The following ASIC2 variants were observed in gnomAD, a reference collection of about 807,000 sequenced individuals.
The protein encoded by ASIC2 is acid sensing ion channel subunit 2, also known as acid-sensing ion channel 2.
In ASIC2, 25 loss-of-function variants were observed where a neutral mutation model predicts 57.3. The observed-to-expected ratio is 0.44, with a 90% CI of 0.32 to 0.61. The LOEUF is 0.61. Ranked by LOEUF, ASIC2 falls within the 20% of genes least tolerant of loss-of-function variation. The probability of loss-of-function intolerance (pLI) is 0.06; values close to 1 mark genes in which losing one functional copy is unlikely to be tolerated. For synonymous variants in ASIC2, 319 were observed against 307.5 expected (o/e 1.04, Z -0.39); for missense variants, 641 against 738.1 (o/e 0.87, Z 1.52).
At chr17:33,883,118 T>C (rs1347186513) in intron 1 of ASIC2, among the ~76,000 whole-genome samples, 1 of 152,100 alleles carries the variant, frequency 6.6e-6, no homozygotes, top group Non-Finnish European at 1.5e-5. Flanking sequence ...AGGGGAGGGA[T>C]AGCATTAGGA....
At chr17:33,787,405 C>G (rs1911638359) in intron 1 of ASIC2, among the ~76,000 whole-genome samples, 1 of 152,146 alleles carries the variant, frequency 6.6e-6, no homozygotes, top group African/African-American at 2.4e-5. Context: ...ATCTAGTGTT[C>G]CCTTCAGAGC....
At chr17:33,536,027 T>TG (rs1342096987) in intron 1 of ASIC2, among the ~76,000 whole-genome samples, 1 of 152,216 alleles carries the variant, frequency 6.6e-6, no homozygotes. Flanking sequence ...CACCACAAAG[T>TG]GGCCTCGGGA....
intron 1 of ASIC2, among the ~76,000 whole-genome samples, chr17:33,852,096 C>T (rs1216702158): frequency 1.3e-5 from 2 of 152,230 alleles, no homozygotes; most frequent in Non-Finnish European, 2.9e-5. Flanking sequence ...GCATGTCAGA[C>T]AGAGAAGATG....
chr17:33,260,280 TC>T (rs1909230503), intron 1 of ASIC2, among the ~76,000 whole-genome samples: 1 of 152,068 alleles, frequency 6.6e-6, no homozygotes, highest in African/African-American at 2.4e-5. Context: ...TGGCTTTGTC[TC>T]CAAATGCTCT....
chr17:33,445,486 A>G (rs1019378765), intron 1 of ASIC2, among the ~76,000 whole-genome samples: 12 of 152,162 alleles, frequency 7.9e-5, no homozygotes, highest in African/African-American at 2.6e-4. Flanking sequence ...TGGGAACAAG[A>G]CTGATCTGCT....
intron 3 of ASIC2, among the ~76,000 whole-genome samples, chr17:33,072,501 T>C (rs1438416384): frequency 6.6e-6 from 1 of 152,190 alleles, no homozygotes; most frequent in Admixed American, 6.5e-5. Flanking sequence ...AGTAGACTTG[T>C]ATCAGGTGGC....
chr17:33,807,802 A>T (rs1054362464), intron 1 of ASIC2, among the ~76,000 whole-genome samples: 3 of 152,234 alleles, frequency 2.0e-5, no homozygotes, highest in Non-Finnish European at 2.9e-5. Context: ...TATGATGTGG[A>T]GCATATTTTT....
intron 1 of ASIC2, among the ~76,000 whole-genome samples, chr17:34,090,141 A>G (rs1910272167): frequency 6.6e-6 from 1 of 152,138 alleles, no homozygotes; most frequent in Non-Finnish European, 1.5e-5. Flanking sequence ...CTCTACTGAC[A>G]TTTTAGGTGG....
intron 1 of ASIC2, among the ~76,000 whole-genome samples, chr17:33,115,708 T>C (rs568562273): frequency 9.2e-5 from 14 of 152,336 alleles, no homozygotes; most frequent in African/African-American, 3.4e-4. Context: ...CAACCTCACA[T>C]CCCTTATATT....
At chr17:33,382,792 TACTC>T (rs1051322084) in intron 1 of ASIC2, among the ~76,000 whole-genome samples, 2 of 152,190 alleles carry the variant, frequency 1.3e-5, no homozygotes, top group African/African-American at 2.4e-5. Context: ...GTAAACAAAA[TACTC>T]AGTACATGTT....
At chr17:33,852,167 T>C (rs958260309) in intron 1 of ASIC2, among the ~76,000 whole-genome samples, 7 of 152,220 alleles carry the variant, frequency 4.6e-5, no homozygotes, top group Admixed American at 3.3e-4. Context: ...CATCATCAAG[T>C]AAGGCTGTTT....
intron 1 of ASIC2, among the ~76,000 whole-genome samples, chr17:33,744,651 A>C (rs1479284117): frequency 6.6e-6 from 1 of 152,248 alleles, no homozygotes; most frequent in Non-Finnish European, 1.5e-5. Context: ...CAAAATTATG[A>C]TATATAAAGA....
chr17:33,477,003 T>C (rs1439684873), intron 1 of ASIC2, among the ~76,000 whole-genome samples: 2 of 152,218 alleles, frequency 1.3e-5, no homozygotes, highest in Non-Finnish European at 2.9e-5. Context: ...TCAGTGTGTG[T>C]ATACTATGTA....
At chr17:33,907,469 C>A (rs1350692020) in intron 1 of ASIC2, among the ~76,000 whole-genome samples, 1 of 152,154 alleles carries the variant, frequency 6.6e-6, no homozygotes, top group Non-Finnish European at 1.5e-5. Flanking sequence ...GCTTGCTTCT[C>A]AATGGTCTCT....
chr17:33,675,934 GA>G (rs772604207), intron 1 of ASIC2, among the ~76,000 whole-genome samples: 4 of 152,138 alleles, frequency 2.6e-5, no homozygotes, highest in Non-Finnish European at 5.9e-5. Context: ...TTTACAAATT[GA>G]AAATTTGTGG....
intron 1 of ASIC2, among the ~76,000 whole-genome samples, chr17:33,373,805 A>C (rs1173326897): frequency 6.6e-6 from 1 of 151,658 alleles, no homozygotes. Context: ...CAGCTTCCCG[A>C]GTAGCTGGGA....
At chr17:33,519,305 AG>A (rs1457592980) in intron 1 of ASIC2, among the ~76,000 whole-genome samples, 3 of 152,102 alleles carry the variant, frequency 2.0e-5, no homozygotes, top group African/African-American at 7.2e-5. Context: ...GGTGGAAGTG[AG>A]GGAGGAATGC....
intron 1 of ASIC2, among the ~76,000 whole-genome samples, chr17:33,430,095 A>AT (rs1911355907): frequency 6.6e-6 from 1 of 151,988 alleles, no homozygotes; most frequent in Non-Finnish European, 1.5e-5. Context: ...CAGGGCTTTG[A>AT]TTTTCATTCT....
chr17:34,071,541 ATTAC>A, intron 1 of ASIC2: 1 of 152,286 alleles, frequency 6.6e-6, no homozygotes, highest in South Asian at 2.1e-4. Context: ...ATAGAAAATC[ATTAC>A]TTAGCCGGGC....
Sources: allele counts gnomAD v4.1 joint callset (sites outside exome capture counted in the v4.1 genomes callset), GRCh38; gene constraint gnomAD v4.1.1; transcripts MANE v1.5; gene names NCBI Gene and HGNC (gene_info 2026-07-23, HGNC 2026-07-21).